RRM2: variants seen among roughly 807,000 people sequenced by gnomAD.
The protein encoded by RRM2 is ribonucleotide reductase regulatory subunit M2.
A neutral mutation model predicts 45.9 loss-of-function variants in RRM2; 6 were observed. The observed-to-expected ratio is 0.13, with a 90% CI of 0.07 to 0.26. The LOEUF (loss-of-function observed/expected upper bound fraction) is 0.26, where lower values mean the gene tolerates loss of function less well. RRM2 is among the 10% of genes least tolerant of loss of function. The pLI is 1.00. For synonymous variants in RRM2, 177 were observed against 173.0 expected (o/e 1.02, Z -0.18); for missense variants, 343 against 489.5 (o/e 0.70, Z 2.82).
At chr2:10,132,380 G>A (rs936187363), downstream of RRM2, among the ~76,000 whole-genome samples, 2 of 152,126 alleles carry the variant, frequency 1.3e-5, no homozygotes, top group African/African-American at 4.8e-5. Flanking sequence ...ATTCTAAGGT[G>A]GATGGGAGTG....
At chr2:10,199,250 C>T (rs1361309194) in intron 3 of RRM2, 1 of 111,458 alleles carries the variant, frequency 9.0e-6, no homozygotes, top group African/African-American at 3.6e-5. Flanking sequence ...CAAGAAAGCA[C>T]AGCTTAGGTT....
At chr2:10,181,726 C>G (rs1039299284) in intron 3 of RRM2, among the ~76,000 whole-genome samples, 3 of 146,882 alleles carry the variant, frequency 2.0e-5, no homozygotes, top group Admixed American at 1.4e-4. Flanking sequence ...CTCAATCTGA[C>G]AGACTGCACA....
chr2:10,137,724 G>C (rs1162169924), upstream of RRM2, among the ~76,000 whole-genome samples: 1 of 152,222 alleles, frequency 6.6e-6, no homozygotes, highest in Non-Finnish European at 1.5e-5. Flanking sequence ...GGAGATTTCA[G>C]TTTCCAGAAA....
At chr2:10,166,708 G>A (rs751626796) in intron 3 of RRM2, among the ~76,000 whole-genome samples, 1 of 152,220 alleles carries the variant, frequency 6.6e-6, no homozygotes, top group African/African-American at 2.4e-5. Flanking sequence ...TGTTCCCTAT[G>A]GCGCACCAGC....
intron 3 of RRM2, among the ~76,000 whole-genome samples, chr2:10,176,767 T>G (rs546721906): frequency 1.3e-5 from 2 of 152,348 alleles, no homozygotes; most frequent in South Asian, 2.1e-4. Context: ...TGATGGACAT[T>G]TGGATTGTTG....
downstream of RRM2, among the ~76,000 whole-genome samples, chr2:10,133,669 C>G (rs1042303333): frequency 6.6e-6 from 1 of 151,370 alleles, no homozygotes; most frequent in African/African-American, 2.4e-5. Flanking sequence ...AGTGGTGTCT[C>G]CCTGCCATTC....
chr2:10,147,478 G>A lies in RRM2; in HGVS notation n.482+5103G>A, dbSNP rs536471796. ...ATTTTTTTTGTAGAGACAGGGTTTC[G>A]CCCTGTTGCCCAGGCAACAAGCAAA... On this transcript the variant is annotated intron_variant and non_coding_transcript_variant, in intron 3 of 3. Transcript: ENST00000381786. 3.1e-4 allele frequency among the ~76,000 whole-genome samples: 47 copies of A among 151,268 alleles called. No homozygotes were observed. The South Asian group carries it at 3.8e-3, about 12-fold the overall frequency.
In RRM2 at chr2:10,191,896, A is replaced by G. The variant is rs1444248444; in HGVS notation, n.483-18415A>G. Among the ~76,000 whole-genome samples the G allele has an allele frequency of 3.3e-5, 5 of 152,328 alleles. No individual in the cohort carries two copies. In the South Asian group the frequency reaches 1.0e-3, roughly 32 times the overall value. ...AGCAAGGACACACTTTAGGACCTAC[A>G]GCGTGGAGGCAGGAGGACAGGGAAA... is the stretch of plus-strand genomic sequence containing the variant. On this transcript the variant is annotated intron_variant and non_coding_transcript_variant, in intron 3 of 3. Coordinates refer to the RRM2 transcript ENST00000381786.
chr2:10,141,062 C>T (rs1054143873), upstream of RRM2, among the ~76,000 whole-genome samples: 2 of 152,110 alleles, frequency 1.3e-5, no homozygotes, highest in Admixed American at 6.5e-5. Context: ...GCGGGGCCCA[C>T]GTTGTGAGTT....
chr2:10,199,988 A>G (rs1479904617), intron 3 of RRM2, among the ~76,000 whole-genome samples: 2 of 151,996 alleles, frequency 1.3e-5, no homozygotes, highest in Non-Finnish European at 2.9e-5. Flanking sequence ...ATGTGCCACC[A>G]TGCCCAGCTA....
intron 3 of RRM2, among the ~76,000 whole-genome samples, chr2:10,149,385 T>A (rs1663258769): frequency 1.3e-5 from 2 of 152,210 alleles, no homozygotes; most frequent in Admixed American, 1.3e-4. Context: ...CGCCTCAGCC[T>A]CCCAAAGTGC....
chr2:10,179,198 G>A (rs756370309), intron 3 of RRM2, among the ~76,000 whole-genome samples: 1 of 152,098 alleles, frequency 6.6e-6, no homozygotes, highest in African/African-American at 2.4e-5. Flanking sequence ...TGTCACCAAG[G>A]CTGCAGTGTA....
chr2:10,191,982 C>T (rs772017160), intron 3 of RRM2, among the ~76,000 whole-genome samples: 1 of 152,146 alleles, frequency 6.6e-6, no homozygotes, highest in Non-Finnish European at 1.5e-5. Flanking sequence ...GCTGTCTTGT[C>T]ACTTGATGTA....
chr2:10,203,954 C>T (rs866420037), intron 3 of RRM2, among the ~76,000 whole-genome samples: 3 of 151,994 alleles, frequency 2.0e-5, no homozygotes, highest in Non-Finnish European at 4.4e-5. Flanking sequence ...CAAGTGCACC[C>T]CCAGAGACTG....
At chr2:10,152,093 C>T (rs186110801) in intron 3 of RRM2, among the ~76,000 whole-genome samples, 4,178 of 152,028 alleles carry the variant, frequency 0.027, 204 homozygotes, top group African/African-American at 0.096. Context: ...GGACTACAGG[C>T]GCCCGCCACC....
In RRM2 at chr2:10,181,754, C is replaced by CTTTT. The variant is rs869117515; in HGVS notation, n.483-28533_483-28530dup. 2.6e-4 allele frequency among the ~76,000 whole-genome samples: 15 copies of CTTTT among 57,262 alleles called. 1 individual carries two copies. Among genetic ancestry groups the CTTTT allele is most frequent in the Non-Finnish European group, 4.2e-4 (11 of 25,910 alleles). The allele number at this position is 57,262 out of a possible 152,430, so 37.6% of individuals were successfully genotyped here. On this transcript the variant is annotated intron_variant and non_coding_transcript_variant, in intron 3 of 3. Coordinates refer to the RRM2 transcript ENST00000381786. Reference sequence around the variant, plus strand: ...ACTGCACAGCTCTCTCTCTCTCTCTCTTTTTTTTTTTTTTTTTTTTTTTTT... The same window carrying CTTTT: ...ACTGCACAGCTCTCTCTCTCTCTCTCTTTTTTTTTTTTTTTTTTTTTTTTTTTTT...
intron 3 of RRM2, among the ~76,000 whole-genome samples, chr2:10,193,673 C>T (rs955227398): frequency 1.3e-5 from 2 of 152,194 alleles, no homozygotes; most frequent in African/African-American, 2.4e-5. Context: ...CAGTCATGAA[C>T]GTAACAGGTT....
At chr2:10,206,954 CAA>C (rs1247805284) in intron 3 of RRM2, among the ~76,000 whole-genome samples, 38 of 152,260 alleles carry the variant, frequency 2.5e-4, no homozygotes, top group African/African-American at 7.5e-4. Flanking sequence ...GCAGCTATTG[CAA>C]AGAGACTCTC....
Position 10,171,633 on chromosome 2 carries a change from G to A in RRM2, n.482+29258G>A, listed in dbSNP as rs531373190. Among the ~76,000 whole-genome samples the A allele has an allele frequency of 2.0e-5, 3 of 152,246 alleles. No homozygotes were observed. Among genetic ancestry groups the A allele is most frequent in the South Asian group, 2.1e-4 (1 of 4,826 alleles). ...GGGTGATCTGGGAGCAGCAGCAGCCGCTGTCCTGAGCATCTGGGTCAGGAC... is the reference window on the plus strand; with the variant it reads ...GGGTGATCTGGGAGCAGCAGCAGCCACTGTCCTGAGCATCTGGGTCAGGAC... On this transcript the variant is annotated intron_variant and non_coding_transcript_variant, in intron 3 of 3. Coordinates refer to the RRM2 transcript ENST00000381786. This position sits in a 1 kb window ranked among gnomAD's most constrained non-coding sequence, Gnocchi z 4.1.
Sources: allele counts gnomAD v4.1 joint callset (sites outside exome capture counted in the v4.1 genomes callset), GRCh38; gene constraint gnomAD v4.1.1; non-coding constraint Gnocchi (gnomAD v3.1); transcripts MANE v1.5; gene names NCBI Gene and HGNC (gene_info 2026-07-23, HGNC 2026-07-21).